The following DLG2 variants were observed in gnomAD, a reference collection of about 807,000 sequenced individuals.
The protein encoded by DLG2 is discs large MAGUK scaffold protein 2.
Under a neutral mutation model 132.5 loss-of-function variants are expected in DLG2, and 45 were observed. The observed-to-expected ratio is 0.34, with a 90% CI of 0.27 to 0.44. The LOEUF is 0.44. Ranked by LOEUF, DLG2 falls within the 20% of genes least tolerant of loss-of-function variation. The pLI is 1.00. For synonymous variants in DLG2, 424 were observed against 419.6 expected, an observed-to-expected ratio of 1.01 and a Z score of -0.13; for missense variants, 1,045 against 1,196.9, an observed-to-expected ratio of 0.87 and a Z score of 1.87.
chr11:84,838,898 CA>C (rs2080198128), intron 6 of DLG2, among the ~76,000 whole-genome samples: 1 of 152,032 alleles, frequency 6.6e-6, no homozygotes, highest in South Asian at 2.1e-4. Context: ...ACTGAATGGG[CA>C]AAAACTGGAA....
intron 6 of DLG2, among the ~76,000 whole-genome samples, chr11:84,761,812 T>C (rs977748733): frequency 2.0e-5 from 3 of 152,200 alleles, no homozygotes; most frequent in African/African-American, 7.2e-5. Flanking sequence ...TCTGGGACTT[T>C]ACTTTGTGAT....
At chr11:84,917,900 G>T (rs2155409) in intron 6 of DLG2, among the ~76,000 whole-genome samples, 151,835 of 152,264 alleles carry the variant, frequency 1, 75,708 homozygotes, top group East Asian at 1. Flanking sequence ...CTAAAAGAGA[G>T]AGTTATTCAA....
At chr11:85,522,352 G>A (rs2074381765) in intron 3 of DLG2, among the ~76,000 whole-genome samples, 1 of 152,196 alleles carries the variant, frequency 6.6e-6, no homozygotes, top group African/African-American at 2.4e-5. Context: ...GGATGTCCAG[G>A]TAGAAGTCTG....
In DLG2 at chr11:83,488,689, T is replaced by C. The variant is rs183965043; in HGVS notation, c.2194-4461A>G. ...ATACAGGTGTTCTCTGGGCAGAATT[T>C]AGGTTTAAATTTATACTGAGCTCAG... On this transcript the variant is annotated intron_variant, in intron 21 of 27. Coordinates refer to ENST00000376104, the MANE Select transcript of DLG2 (RefSeq NM_001142699.3). Among the ~76,000 whole-genome samples, 410 of 152,106 alleles carry C rather than the reference T, an allele frequency of 2.7e-3. 4 individuals carry two copies. The highest frequency in any genetic ancestry group is 6.6e-3 in the Admixed American group (100 of 15,244).
At chr11:84,122,866 G>C (rs536472341) in intron 9 of DLG2, among the ~76,000 whole-genome samples, 1 of 152,120 alleles carries the variant, frequency 6.6e-6, no homozygotes, top group South Asian at 2.1e-4. Flanking sequence ...ACACATTAGT[G>C]AAGAGGAGAA....
chr11:84,740,816 C>T (rs561064589), intron 6 of DLG2, among the ~76,000 whole-genome samples: 3 of 152,294 alleles, frequency 2.0e-5, no homozygotes, highest in Admixed American at 2.0e-4. Flanking sequence ...TTCACACCCT[C>T]CCTGAGTGGG....
intron 6 of DLG2, among the ~76,000 whole-genome samples, chr11:84,937,025 GC>G (rs1478495329): frequency 1.3e-5 from 2 of 152,030 alleles, no homozygotes; most frequent in African/African-American, 4.8e-5. Context: ...GGTGGCAGAT[GC>G]CTGTAATCCC....
At chr11:83,538,967 A>G (rs1303962515) in intron 20 of DLG2, among the ~76,000 whole-genome samples, 1 of 152,232 alleles carries the variant, frequency 6.6e-6, no homozygotes, top group Non-Finnish European at 1.5e-5. Flanking sequence ...GCAATTCTGT[A>G]GCCTGGATTC....
At chr11:84,636,182 G>C (rs573552042) in intron 6 of DLG2, among the ~76,000 whole-genome samples, 1 of 152,272 alleles carries the variant, frequency 6.6e-6, no homozygotes, top group South Asian at 2.1e-4. Flanking sequence ...AGTCACAGAA[G>C]TATGTATATG....
intron 6 of DLG2, among the ~76,000 whole-genome samples, chr11:84,541,894 A>T (rs753521148): frequency 1.7e-4 from 26 of 152,288 alleles, no homozygotes; most frequent in Admixed American, 5.2e-4. Context: ...GAGTCAGAAC[A>T]AACCATCCTG....
intron 6 of DLG2, among the ~76,000 whole-genome samples, chr11:84,733,837 G>T (rs1013204808): frequency 9.2e-5 from 14 of 152,176 alleles, no homozygotes; most frequent in Admixed American, 3.3e-4. Flanking sequence ...AAGGGATCCA[G>T]TTTCAGCTTT....
At chr11:85,592,741 A>C (rs2079447343) in intron 3 of DLG2, among the ~76,000 whole-genome samples, 1 of 152,150 alleles carries the variant, frequency 6.6e-6, no homozygotes, top group African/African-American at 2.4e-5. Context: ...ACTTGAGCCC[A>C]GGAGTTCAAC....
intron 15 of DLG2, 63 bp downstream of exon 15, chr11:83,930,265 C>T (rs540993232): frequency 4.7e-4 from 743 of 1,573,434 alleles, no homozygotes; most frequent in Non-Finnish European, 6.0e-4. Context: ...CGGATTCTAC[C>T]CATTTATCCT....
chr11:83,951,549 G>A (rs930818170), intron 14 of DLG2, among the ~76,000 whole-genome samples: 1 of 152,136 alleles, frequency 6.6e-6, no homozygotes, highest in African/African-American at 2.4e-5. Flanking sequence ...AGAAAGAAAA[G>A]CAAACCATGT....
chr11:84,661,980 A>G (rs979012240), intron 6 of DLG2, among the ~76,000 whole-genome samples: 1 of 151,960 alleles, frequency 6.6e-6, no homozygotes, highest in East Asian at 1.9e-4. Flanking sequence ...CCCCTCCCCC[A>G]TGCATGTTTT....
chr11:84,662,100 G>T (rs1053192123), intron 6 of DLG2, among the ~76,000 whole-genome samples: 1 of 151,842 alleles, frequency 6.6e-6, no homozygotes. Context: ...TAGAGGGCCA[G>T]CTCCTCTCAC....
intron 6 of DLG2, among the ~76,000 whole-genome samples, chr11:84,964,148 GTATAA>G (rs1279722461): frequency 1.3e-5 from 2 of 151,974 alleles, no homozygotes; most frequent in Non-Finnish European, 1.5e-5. Context: ...AAAGATCAGT[GTATAA>G]TATATTTGTT....
Position 85,526,915 on chromosome 11 carries a change from C to T in DLG2, c.40+71742G>A, listed in dbSNP as rs945538352. ...AATATTCATTGACTCTAATTTTAGG[C>T]CTCTGCATTGATAGGATGTAAATCA... On this transcript the variant is annotated intron_variant, in intron 3 of 27. Transcript: ENST00000376104. Among the ~76,000 whole-genome samples, 5 of 152,146 alleles carry T rather than the reference C, an allele frequency of 3.3e-5. No homozygotes were observed. The East Asian group carries it at 5.8e-4, about 18-fold the overall frequency.
chr11:84,214,474 T>G (rs2096809113), intron 8 of DLG2, among the ~76,000 whole-genome samples: 1 of 151,878 alleles, frequency 6.6e-6, no homozygotes, highest in South Asian at 2.1e-4. Flanking sequence ...TATATCTATA[T>G]GTATGTTTTT....
Sources: allele counts gnomAD v4.1 joint callset (sites outside exome capture counted in the v4.1 genomes callset), GRCh38; gene constraint gnomAD v4.1.1; transcripts MANE v1.5; gene names NCBI Gene and HGNC (gene_info 2026-07-23, HGNC 2026-07-21).